The following BOD1L1 variants were observed in gnomAD, a reference collection of about 807,000 sequenced individuals.
BOD1L1 encodes biorientation of chromosomes in cell division 1 like 1.
In BOD1L1, 86 loss-of-function variants were observed where a neutral mutation model predicts 240.7. That is an observed-to-expected ratio of 0.36 (90% CI 0.30 to 0.43). BOD1L1 has a LOEUF of 0.43. Ranked by LOEUF, BOD1L1 falls within the 20% of genes least tolerant of loss-of-function variation. The pLI is 1.00. For synonymous variants in BOD1L1, 1,268 were observed against 1,272.3 expected (o/e 1.00, Z 0.07); for missense variants, 3,554 against 3,643.5 (o/e 0.98, Z 0.63).
Position 13,601,384 on chromosome 4 carries a change from G to T in BOD1L1, c.5516C>A (p.Thr1839Asn), listed in dbSNP as rs1715142695. 6.2e-7 allele frequency: 1 copy of T among 1,613,914 alleles called. No homozygotes were observed. The highest frequency in any genetic ancestry group is 1.7e-5 in the Admixed American group (1 of 60,006). The change falls in exon 10 of 26, where the codon ACT (threonine) becomes AAT (asparagine). Residue 1839 changes from threonine to asparagine, a missense_variant. This residue lies in a region of BOD1L1 where 3,393 missense variants were observed against 3,427.1 expected (regional missense o/e 0.99). Transcript: ENST00000040738. Reference sequence around the variant, plus strand: ...ACCAGCAGCAACTAATGGTACATTAGTGCCTTCTTTGGCCACTGTGCTGTC... The same window carrying T: ...ACCAGCAGCAACTAATGGTACATTATTGCCTTCTTTGGCCACTGTGCTGTC... ...AMDSTVAKEGTNVPLVAAGPC... is the reference protein window; with the variant it reads ...AMDSTVAKEGNNVPLVAAGPC...
At chr4:13,606,723 A>G (rs1715735205) in intron 9 of BOD1L1, among the ~76,000 whole-genome samples, 1 of 152,222 alleles carries the variant, frequency 6.6e-6, no homozygotes, top group Admixed American at 6.5e-5. Flanking sequence ...AGTTTGCCAG[A>G]TTACTTGTAC....
Position 13,595,871 on chromosome 4 carries a change from G to A in BOD1L1, c.8093C>T (p.Pro2698Leu), listed in dbSNP as rs1272470988. 9.9e-6 allele frequency: 16 copies of A among 1,613,360 alleles called. No individual in the cohort carries two copies. The East Asian group carries it at 3.6e-4, about 36-fold the overall frequency. Residue 2698 changes from proline to leucine, a missense_variant, in exon 12 of 26, where the codon CCA (proline) becomes CTA (leucine). Coordinates refer to ENST00000040738, the MANE Select transcript of BOD1L1 (RefSeq NM_148894.3). The stretch of plus-strand genomic sequence containing the variant: ...TCTAAAGAGCTCACCTATTCCACTT[G>A]GCTTTCCCCCACACAGACTTTCTGG... ...APPESLCGGKPSGIAELQREP... is the reference protein window; with the variant it reads ...APPESLCGGKLSGIAELQREP...
Position 13,599,446 on chromosome 4 carries a change from C to T in BOD1L1, c.7454G>A (p.Ser2485Asn), listed in dbSNP as rs753695668. Residue 2485 changes from serine to asparagine, a missense_variant, in exon 10 of 26, where the codon AGC becomes AAC. By Grantham distance (46) the Ser-to-Asn change is conservative. Coordinates refer to ENST00000040738, the MANE Select transcript of BOD1L1 (RefSeq NM_148894.3). Reference sequence around the variant, plus strand: ...CCTTCCTGCTGAATAACTTGCTGTGCTACTGCCCCCTGCTGTCCCTGTCTC... The same window carrying T: ...CCTTCCTGCTGAATAACTTGCTGTGTTACTGCCCCCTGCTGTCCCTGTCTC... ...SPETGTAGGS[S>N]TASYSAGRGL... is the part of the protein sequence containing the mutation. 6 of 1,614,016 alleles carry T rather than the reference C, an allele frequency of 3.7e-6. No individual in the cohort carries two copies. The South Asian group carries it at 6.6e-5, about 18-fold the overall frequency.
intron 16 of BOD1L1, 59 bp downstream of exon 16, chr4:13,587,640 T>C: frequency 7.7e-7 from 1 of 1,302,594 alleles, no homozygotes; most frequent in African/African-American, 1.5e-5. Context: ...GCTCACTCTT[T>C]TGGATATAAA....
At chr4:13,575,188 G>C (rs1390780727) in intron 25 of BOD1L1, among the ~76,000 whole-genome samples, 2 of 151,926 alleles carry the variant, frequency 1.3e-5, no homozygotes, top group Non-Finnish European at 2.9e-5. Flanking sequence ...CAAAGTGCTG[G>C]GATTACAGGT....
At position 13,600,128 on chromosome 4, in the gene BOD1L1, T is replaced by C; in HGVS notation, c.6772A>G (p.Thr2258Ala). The change falls in exon 10 of 26, where the codon ACG (threonine) becomes GCG (alanine). Residue 2258 changes from threonine to alanine, a missense_variant. Transcript: ENST00000040738. Reference protein sequence around the residue: ...EEKDGSGIISTSSVEDCEGPV... With the variant: ...EEKDGSGIISASSVEDCEGPV... ...CCCTCACAGTCTTCCACCGAGCTCG[T>C]AGAGATGATGCCACTCCCGTCTTTT... 6.2e-7 allele frequency: 1 copy of C among 1,613,932 alleles called. No homozygotes were observed. The highest frequency in any genetic ancestry group is 8.5e-7 in the Non-Finnish European group (1 of 1,179,882).
At chr4:13,573,610 A>G (rs902000797) in intron 25 of BOD1L1, among the ~76,000 whole-genome samples, 1 of 151,906 alleles carries the variant, frequency 6.6e-6, no homozygotes, top group African/African-American at 2.4e-5. Context: ...TGCAACCTCC[A>G]CTTCCCGGGT....
intron 2 of BOD1L1, among the ~76,000 whole-genome samples, chr4:13,615,979 A>C (rs1716561959): frequency 6.6e-6 from 1 of 152,230 alleles, no homozygotes; most frequent in Admixed American, 6.5e-5. Flanking sequence ...CACATACAAA[A>C]TATGATTTCA....
chr4:13,570,972 T>C (rs905957185), intron 25 of BOD1L1, among the ~76,000 whole-genome samples: 2 of 152,316 alleles, frequency 1.3e-5, no homozygotes, highest in Admixed American at 1.3e-4. Flanking sequence ...CAAGTTACAA[T>C]CAATATTTTA....
intron 3 of BOD1L1, 73 bp downstream of exon 3, chr4:13,615,239 C>A: frequency 7.2e-7 from 1 of 1,392,060 alleles, no homozygotes; most frequent in Non-Finnish European, 9.6e-7. Context: ...TGTTAAAGAG[C>A]CAAGTATCCC....
rs1184630671 is a variant in BOD1L1, at chr4:13,600,144, C to T, written c.6756G>A (p.Gly2252=). The change falls in exon 10 of 26, where the codon GGG becomes GGA. Residue 2252 remains glycine, a synonymous_variant. Transcript: ENST00000040738. ...RAGTVMEEKD[G]SGIISTSSVE... ...CCGAGCTCGTAGAGATGATGCCACTCCCGTCTTTTTCTTCCATGACTGTGC... is the reference window on the plus strand; with the variant it reads ...CCGAGCTCGTAGAGATGATGCCACTTCCGTCTTTTTCTTCCATGACTGTGC... 4 of 1,614,000 alleles carry T rather than the reference C, an allele frequency of 2.5e-6. No homozygotes were observed. Among genetic ancestry groups the T allele is most frequent in the Admixed American group, 1.7e-5 (1 of 60,028 alleles).
chr4:13,592,387 G>T (rs6448985), intron 12 of BOD1L1: 110,857 of 156,432 alleles, frequency 0.71, 42,593 homozygotes, highest in East Asian at 0.96. Flanking sequence ...CTGTTTATAT[G>T]CTTTGGAAAC....
chr4:13,598,166 C>G (rs1425154329), intron 10 of BOD1L1, among the ~76,000 whole-genome samples: 1 of 152,200 alleles, frequency 6.6e-6, no homozygotes, highest in African/African-American at 2.4e-5. Context: ...TAAGGCATGA[C>G]TGAGATAATA....
intron 8 of BOD1L1, among the ~76,000 whole-genome samples, chr4:13,607,897 T>C (rs1333275711): frequency 2.0e-5 from 3 of 152,212 alleles, no homozygotes; most frequent in Non-Finnish European, 4.4e-5. Flanking sequence ...AGCTTACTAC[T>C]CTTACCAAGT....
Position 13,614,370 on chromosome 4 carries a change from T to C in BOD1L1, c.1000A>G (p.Arg334Gly), listed in dbSNP as rs748042223. 9 of 1,554,340 alleles carry C rather than the reference T, an allele frequency of 5.8e-6. No homozygotes were observed. The highest frequency in any genetic ancestry group is 2.4e-5 in the East Asian group (1 of 41,448). The change falls in exon 4 of 26, where the codon AGA becomes GGA. Residue 334 changes from arginine to glycine, a missense_variant. Arg to Gly is a moderately radical substitution (Grantham distance 125). Around this residue, in one of 2 missense-constraint regions of BOD1L1, gnomAD observed 3,393 missense variants for 3,427.1 expected, o/e 0.99. Coordinates refer to ENST00000040738, the MANE Select transcript of BOD1L1 (RefSeq NM_148894.3). Reference protein sequence around the residue: ...KKPDSNEKGERKKEKKEKTEK... With the variant: ...KKPDSNEKGEGKKEKKEKTEK... ...GTCTTTTCCTTCTTTTCTTTCTTTC[T>C]TTCTCCTTTCTCATTGCTGTCTGGC...
chr4:13,625,223 A>G (rs1030402116), intron 1 of BOD1L1: 2 of 152,256 alleles, frequency 1.3e-5, no homozygotes, highest in Non-Finnish European at 2.9e-5. Context: ...GGCTAAGAAC[A>G]TTAAAATAGG....
In BOD1L1 at chr4:13,599,667, T is replaced by C; in HGVS notation, c.7233A>G (p.Pro2411=). ...GCCCTGCAGAGGGCTTGTGGACTGA[T>C]GGCCCGTTGTGCCCCTCCTCGGTGC... ...AVSTEEGHNG[P]SVHKPSAGQG... Residue 2411 remains proline (P), a synonymous_variant, in exon 10 of 26, where the codon CCA becomes CCG. Coordinates refer to ENST00000040738, the MANE Select transcript of BOD1L1 (RefSeq NM_148894.3). 2 of 1,614,000 alleles carry C rather than the reference T, an allele frequency of 1.2e-6. No individual in the cohort carries two copies. The highest frequency in any genetic ancestry group is 2.2e-5 in the South Asian group (2 of 91,084).
chr4:13,581,958 C>G (rs1003664820), intron 19 of BOD1L1, among the ~76,000 whole-genome samples: 1 of 152,192 alleles, frequency 6.6e-6, no homozygotes, highest in Non-Finnish European at 1.5e-5. Context: ...GGCCAGGAAC[C>G]TGACATTGCC....
At chr4:13,587,035 T>C (rs1713761599) in intron 16 of BOD1L1, among the ~76,000 whole-genome samples, 1 of 152,206 alleles carries the variant, frequency 6.6e-6, no homozygotes. Context: ...CATTCTTCAC[T>C]CATTCTTTCT....
Sources: allele counts gnomAD v4.1 joint callset (sites outside exome capture counted in the v4.1 genomes callset), GRCh38; gene constraint gnomAD v4.1.1; regional missense constraint gnomAD v4.1.1; transcripts MANE v1.5; gene names NCBI Gene and HGNC (gene_info 2026-07-23, HGNC 2026-07-21).